The following PLXNA4 variants were observed in gnomAD, a reference collection of about 807,000 sequenced individuals.
PLXNA4 encodes the protein plexin A4.
A neutral mutation model predicts 191.8 loss-of-function variants in PLXNA4; 44 were observed. The ratio of observed to expected loss-of-function variants is 0.23; its 90% CI spans 0.18 to 0.29. The LOEUF (loss-of-function observed/expected upper bound fraction) is 0.29. Among genes scored for constraint, PLXNA4 ranks in the 10% least tolerant of loss-of-function variants. The pLI, the probability that PLXNA4 is intolerant of heterozygous loss-of-function variation, is 1.00. For missense variants in PLXNA4, 1,800 were observed against 2,488.8 expected (o/e 0.72, Z 5.89); for synonymous variants, 1,082 against 1,009.5 (o/e 1.07, Z -1.36).
chr7:132,488,070 C>A (rs1400273068), intron 3 of PLXNA4, among the ~76,000 whole-genome samples: 1 of 152,144 alleles, frequency 6.6e-6, no homozygotes, highest in Non-Finnish European at 1.5e-5. Context: ...TCATGGACAC[C>A]ATTCTTGCAG....
chr7:132,171,851 G>T (rs1472039251), intron 21 of PLXNA4, among the ~76,000 whole-genome samples: 1 of 152,172 alleles, frequency 6.6e-6, no homozygotes, highest in Non-Finnish European at 1.5e-5. Flanking sequence ...GAGTGTCTAT[G>T]TCATAATGTT....
intron 3 of PLXNA4, among the ~76,000 whole-genome samples, chr7:132,301,915 C>A (rs1197121980): frequency 6.6e-6 from 1 of 152,170 alleles, no homozygotes; most frequent in Non-Finnish European, 1.5e-5. Flanking sequence ...GATGAAGCAG[C>A]CAAGATGGAG....
At chr7:132,389,232 A>ATAGTTTCCTT (rs1273423643) in intron 3 of PLXNA4, among the ~76,000 whole-genome samples, 3 of 152,066 alleles carry the variant, frequency 2.0e-5, no homozygotes, top group Non-Finnish European at 4.4e-5. Flanking sequence ...CACTCTGATG[A>ATAGTTTCCTT]TAGTTTCCTT....
At chr7:132,602,141 T>C (rs1802832653) in intron 2 of PLXNA4, among the ~76,000 whole-genome samples, 1 of 152,234 alleles carries the variant, frequency 6.6e-6, no homozygotes, top group Non-Finnish European at 1.5e-5. Context: ...TCTGGTATGA[T>C]TTTTCTCAGG....
At chr7:132,344,552 G>A (rs1390565439) in intron 3 of PLXNA4, among the ~76,000 whole-genome samples, 2 of 151,796 alleles carry the variant, frequency 1.3e-5, no homozygotes, top group African/African-American at 2.4e-5. Context: ...TGTCCAATGA[G>A]GGCCAGCATC....
chr7:132,497,122 GCA>G lies in PLXNA4; in HGVS notation c.1189-7650_1189-7649del, dbSNP rs34913954. ...CACTTATGCACACTTGTGCACGCACGCACACACACACACACACACACATACAC... is the reference window on the plus strand; with the variant it reads ...CACTTATGCACACTTGTGCACGCACGCACACACACACACACACACATACAC... On this transcript the variant is annotated intron_variant, in intron 2 of 31. Transcript: ENST00000321063. 2.5e-3 allele frequency among the ~76,000 whole-genome samples: 371 copies of G among 150,280 alleles called. 2 individuals are homozygous for G. Among genetic ancestry groups the G allele is most frequent in the African/African-American group, 6.2e-3 (255 of 41,080 alleles).
At chr7:132,251,182 T>G (rs554850029) in intron 4 of PLXNA4, among the ~76,000 whole-genome samples, 1 of 152,056 alleles carries the variant, frequency 6.6e-6, no homozygotes, top group South Asian at 2.1e-4. Flanking sequence ...TCATCAGCTG[T>G]ACTCCTAGAA....
chr7:132,588,247 A>C (rs1346026932), intron 2 of PLXNA4, among the ~76,000 whole-genome samples: 2 of 152,158 alleles, frequency 1.3e-5, no homozygotes, highest in African/African-American at 2.4e-5. Context: ...ACATTCTGCA[A>C]ACTAAAAATA....
chr7:132,265,162 T>C (rs1396261720), intron 4 of PLXNA4, among the ~76,000 whole-genome samples: 1 of 152,170 alleles, frequency 6.6e-6, no homozygotes, highest in African/African-American at 2.4e-5. Flanking sequence ...AACCACACCA[T>C]ATACCAGGTT....
At chr7:132,589,532 A>C (rs1479942172) in intron 2 of PLXNA4, among the ~76,000 whole-genome samples, 2 of 152,168 alleles carry the variant, frequency 1.3e-5, no homozygotes, top group Non-Finnish European at 1.5e-5. Context: ...ATTTATAAAC[A>C]CTCAAATATA....
intron 3 of PLXNA4, among the ~76,000 whole-genome samples, chr7:132,463,535 G>T (rs913497818): frequency 3.9e-5 from 6 of 152,188 alleles, no homozygotes; most frequent in African/African-American, 1.4e-4. Flanking sequence ...CTTGCTTAAG[G>T]TTACATAGAT....
chr7:132,245,384 G>A (rs1034460633), intron 4 of PLXNA4, among the ~76,000 whole-genome samples: 1 of 152,186 alleles, frequency 6.6e-6, no homozygotes, highest in Non-Finnish European at 1.5e-5. Context: ...AGAGATGGGA[G>A]CCCCATCACC....
chr7:132,367,425 G>A (rs575136723), intron 3 of PLXNA4, among the ~76,000 whole-genome samples: 147 of 152,128 alleles, frequency 9.7e-4, no homozygotes, highest in African/African-American at 3.3e-3. Flanking sequence ...ATACACACTC[G>A]GGAGTGAGGT....
intron 28 of PLXNA4, among the ~76,000 whole-genome samples, chr7:132,145,930 A>T (rs1795415247): frequency 6.7e-6 from 1 of 150,010 alleles, no homozygotes; most frequent in Admixed American, 6.6e-5. Context: ...AAAAAAAAAA[A>T]AAAAAATTAG....
chr7:132,523,855 T>G (rs1799290682), intron 1 of PLXNA4, among the ~76,000 whole-genome samples: 1 of 152,092 alleles, frequency 6.6e-6, no homozygotes, highest in Admixed American at 6.5e-5. Context: ...TGGTACCATT[T>G]AACTGATATG....
intron 2 of PLXNA4, among the ~76,000 whole-genome samples, chr7:132,490,482 G>T (rs979725535): frequency 7.5e-5 from 10 of 134,122 alleles, no homozygotes; most frequent in African/African-American, 2.8e-4. Context: ...CTGGAGTGCA[G>T]TGACATGATA....
intron 3 of PLXNA4, among the ~76,000 whole-genome samples, chr7:132,481,919 T>G (rs1290970598): frequency 6.6e-6 from 1 of 152,214 alleles, no homozygotes; most frequent in Non-Finnish European, 1.5e-5. Context: ...GCCTCCTGTT[T>G]ATCCTCTGGA....
Position 132,198,436 on chromosome 7 carries a change from C to A in PLXNA4, c.2738+49G>T, listed in dbSNP as rs776726238. 7.5e-6 allele frequency: 12 copies of A among 1,592,680 alleles called. No individual in the cohort carries two copies. In the Middle Eastern group the frequency reaches 7.4e-4, roughly 98 times the overall value. ...CTGACCAGGACATCCCTAATACTAA[C>A]CCGTCTTCCCTCCCCTGTTCCTCCT... On this transcript the variant is annotated intron_variant, in intron 13 of 31. Coordinates refer to ENST00000321063, the MANE Select transcript of PLXNA4 (RefSeq NM_020911.2).
intron 2 of PLXNA4, among the ~76,000 whole-genome samples, chr7:132,608,423 T>C (rs1001204315): frequency 6.6e-6 from 1 of 152,190 alleles, no homozygotes; most frequent in Non-Finnish European, 1.5e-5. Flanking sequence ...ACAGGTAGAA[T>C]GAATAACACA....
Sources: allele counts gnomAD v4.1 joint callset (sites outside exome capture counted in the v4.1 genomes callset), GRCh38; gene constraint gnomAD v4.1.1; transcripts MANE v1.5; gene names NCBI Gene and HGNC (gene_info 2026-07-23, HGNC 2026-07-21).